The following MAGI2 variants were observed in gnomAD, a reference collection of about 807,000 sequenced individuals.
MAGI2 encodes membrane-associated guanylate kinase, WW and PDZ domain-containing protein 2.
A neutral mutation model predicts 133.3 loss-of-function variants in MAGI2; 35 were observed. That is an observed-to-expected ratio of 0.26 (90% CI 0.20 to 0.35). The LOEUF (loss-of-function observed/expected upper bound fraction) is 0.35, where lower values mean the gene tolerates loss of function less well. Among genes scored for constraint, MAGI2 ranks in the 10% least tolerant of loss-of-function variants. The pLI, the probability that MAGI2 is intolerant of heterozygous loss-of-function variation, is 1.00. For missense variants in MAGI2, 1,636 were observed against 1,863.4 expected, an observed-to-expected ratio of 0.88 and a Z score of 2.25; for synonymous variants, 729 against 710.6, an observed-to-expected ratio of 1.03 and a Z score of -0.41.
chr7:78,753,277 C>T (rs1306283222), intron 2 of MAGI2, among the ~76,000 whole-genome samples: 1 of 151,386 alleles, frequency 6.6e-6, no homozygotes, highest in African/African-American at 2.4e-5. Context: ...AAGAAAAATA[C>T]AAATGAAAAT....
intron 6 of MAGI2, among the ~76,000 whole-genome samples, chr7:78,420,933 C>T (rs546824627): frequency 3.9e-5 from 6 of 152,224 alleles, no homozygotes; most frequent in African/African-American, 1.2e-4. Flanking sequence ...GAATAAAGTT[C>T]GAGTTGCACA....
At chr7:79,444,652 T>G (rs1303547669) in intron 1 of MAGI2, among the ~76,000 whole-genome samples, 2 of 151,768 alleles carry the variant, frequency 1.3e-5, no homozygotes, top group Non-Finnish European at 2.9e-5. Context: ...CACTGCTCAA[T>G]GAAATTAAAG....
intron 3 of MAGI2, among the ~76,000 whole-genome samples, chr7:78,566,763 C>T (rs2150754058): frequency 6.6e-6 from 1 of 152,116 alleles, no homozygotes; most frequent in African/African-American, 2.4e-5. Flanking sequence ...ATTTCAGTAC[C>T]ATAGCTGATT....
intron 2 of MAGI2, among the ~76,000 whole-genome samples, chr7:78,905,695 T>G (rs1563648443): frequency 6.6e-6 from 1 of 152,156 alleles, no homozygotes. Context: ...GTAACAAGTG[T>G]CCTTTGAATT....
chr7:79,443,024 C>A (rs1563228763), intron 1 of MAGI2, among the ~76,000 whole-genome samples: 1 of 152,020 alleles, frequency 6.6e-6, no homozygotes, highest in Non-Finnish European at 1.5e-5. Context: ...GTAATCCCAG[C>A]ACTTTGGGAG....
At chr7:79,330,340 C>T (rs982019009) in intron 1 of MAGI2, among the ~76,000 whole-genome samples, 3 of 151,674 alleles carry the variant, frequency 2.0e-5, no homozygotes, top group Admixed American at 6.6e-5. Flanking sequence ...ACTACAGGCA[C>T]CTGCCACCAC....
Position 78,127,095 on chromosome 7 carries a change from C to G in MAGI2, c.3423+102G>C, listed in dbSNP as rs543126091. 24 of 904,886 alleles carry G rather than the reference C, an allele frequency of 2.7e-5. 1 individual carries two copies. The East Asian group carries it at 3.9e-4, about 15-fold the overall frequency. The allele number at this position is 904,886 out of a possible 1,614,324, so 56.1% of individuals were successfully genotyped here. A position where few individuals can be genotyped will look rare whatever the true frequency, so the allele number is the denominator to read the frequency against. On this transcript the variant is annotated intron_variant, in intron 19 of 21. Coordinates refer to ENST00000354212, the MANE Select transcript of MAGI2 (RefSeq NM_012301.4). Reference sequence around the variant, plus strand: ...GAACTAGGAATAGAACTTCAGCTCTCCATCCCAGACAGGTACTCTTTCCTC... The same window carrying G: ...GAACTAGGAATAGAACTTCAGCTCTGCATCCCAGACAGGTACTCTTTCCTC...
rs565612381 is a variant in MAGI2, at chr7:78,792,028, C to T, written c.419-164789G>A. ...AATTTTCACAGTGCTTATCACTTCACGGACAGATTTTGGCTGAATTTCTTT... is the reference window on the plus strand; with the variant it reads ...AATTTTCACAGTGCTTATCACTTCATGGACAGATTTTGGCTGAATTTCTTT... On this transcript the variant is annotated intron_variant, in intron 2 of 21. Coordinates refer to ENST00000354212, the MANE Select transcript of MAGI2 (RefSeq NM_012301.4). 4.3e-4 allele frequency among the ~76,000 whole-genome samples: 65 copies of T among 152,138 alleles called. No individual in the cohort carries two copies. The South Asian group carries it at 0.013, about 30-fold the overall frequency.
chr7:79,020,568 C>T (rs1012709182), intron 1 of MAGI2, among the ~76,000 whole-genome samples: 1 of 151,944 alleles, frequency 6.6e-6, no homozygotes, highest in Non-Finnish European at 1.5e-5. Context: ...AGATTGAGAC[C>T]ATCCTGGCTA....
At position 79,450,244 on chromosome 7, in the gene MAGI2, A is replaced by G. The variant is rs1202938520; in HGVS notation, c.301+2776T>C. ...TGCTAGCTTTTGCATCTCTTGAAAC[A>G]TAACTACTGGGCCAAGAGTTTCTAA... On this transcript the variant is annotated intron_variant, in intron 1 of 21. Transcript: ENST00000354212. 2.0e-5 allele frequency among the ~76,000 whole-genome samples: 3 copies of G among 152,288 alleles called. No individual in the cohort carries two copies. In the South Asian group the frequency reaches 6.2e-4, roughly 32 times the overall value.
chr7:78,976,619 A>G (rs1239704692), intron 2 of MAGI2, among the ~76,000 whole-genome samples: 2 of 151,512 alleles, frequency 1.3e-5, no homozygotes, highest in South Asian at 2.1e-4. Flanking sequence ...GATGAGAAAA[A>G]GAATTAAAAG....
At chr7:79,241,329 T>A (rs990426534) in intron 1 of MAGI2, among the ~76,000 whole-genome samples, 1 of 152,220 alleles carries the variant, frequency 6.6e-6, no homozygotes, top group Non-Finnish European at 1.5e-5. Flanking sequence ...GATCCTGGAA[T>A]TGAAACCACC....
chr7:78,438,536 G>C (rs752898112), intron 6 of MAGI2, among the ~76,000 whole-genome samples: 44 of 152,238 alleles, frequency 2.9e-4, no homozygotes, highest in Non-Finnish European at 2.1e-4. Context: ...TGTGTGCTGC[G>C]GTTCCTTTAT....
chr7:78,492,477 T>G (rs1297624212), intron 5 of MAGI2, among the ~76,000 whole-genome samples: 1 of 152,124 alleles, frequency 6.6e-6, no homozygotes, highest in Non-Finnish European at 1.5e-5. Context: ...CAAGATTCCT[T>G]GCAAAGAGGA....
intron 2 of MAGI2, among the ~76,000 whole-genome samples, chr7:78,854,951 A>G (rs1259348690): frequency 2.0e-5 from 3 of 151,626 alleles, no homozygotes; most frequent in African/African-American, 7.3e-5. Flanking sequence ...CTGCCTCCCA[A>G]TTCAAGCAAT....
intron 2 of MAGI2, among the ~76,000 whole-genome samples, chr7:78,952,769 A>T (rs1801975502): frequency 6.6e-6 from 1 of 152,318 alleles, no homozygotes. Flanking sequence ...TTTAATGTAA[A>T]GTTTCCTTAC....
At chr7:79,000,954 G>A (rs563613810) in intron 2 of MAGI2, among the ~76,000 whole-genome samples, 4 of 152,214 alleles carry the variant, frequency 2.6e-5, no homozygotes, top group South Asian at 2.1e-4. Context: ...ATCTTGCTGT[G>A]TTTCCAGGCT....
intron 3 of MAGI2, among the ~76,000 whole-genome samples, chr7:78,625,341 A>G (rs1181890965): frequency 6.6e-6 from 1 of 152,022 alleles, no homozygotes; most frequent in Non-Finnish European, 1.5e-5. Flanking sequence ...TATAAAATTA[A>G]AACAATTTTA....
intron 1 of MAGI2, among the ~76,000 whole-genome samples, chr7:79,278,943 CAT>C (rs1835431922): frequency 6.6e-6 from 1 of 152,086 alleles, no homozygotes; most frequent in Admixed American, 6.6e-5. Context: ...GAAGAGATGA[CAT>C]AGTCTACAAT....
Sources: gnomAD v4.1 joint callset for allele counts (sites outside exome capture counted in the v4.1 genomes callset) on GRCh38, gnomAD v4.1.1 for gene constraint, MANE v1.5 for transcripts, NCBI Gene and HGNC (gene_info 2026-07-23, HGNC 2026-07-21) for gene names.